The following SV2C variants were observed in gnomAD, a reference collection of about 807,000 sequenced individuals.
The protein encoded by SV2C is synaptic vesicle glycoprotein 2C.
A neutral mutation model predicts 79.7 loss-of-function variants in SV2C; 49 were observed. That is an observed-to-expected ratio of 0.61 (90% CI 0.49 to 0.78). SV2C has a LOEUF of 0.78. Ranked by LOEUF, SV2C falls within the 30% of genes least tolerant of loss-of-function variation. The probability of loss-of-function intolerance (pLI) is 0.00; values close to 1 mark genes in which losing one functional copy is unlikely to be tolerated. For missense variants in SV2C, 833 were observed against 912.9 expected (o/e 0.91, Z 1.13); for synonymous variants, 334 against 333.2 (o/e 1.00, Z -0.03).
the SV2C span, among the ~76,000 whole-genome samples, chr5:75,984,562 TATCTATA>T: frequency 1.8e-5 from 1 of 54,368 alleles, no homozygotes; most frequent in Non-Finnish European, 5.3e-5. Flanking sequence ...TCTATCTATC[TATCTATA>T]TCTATCTATC....
At chr5:76,059,301 T>C in the SV2C span, among the ~76,000 whole-genome samples, 1 of 152,042 alleles carries the variant, frequency 6.6e-6, no homozygotes, top group Admixed American at 6.6e-5. Flanking sequence ...TCACAAAGGA[T>C]TTCTCTGTAG....
the SV2C span, among the ~76,000 whole-genome samples, chr5:75,887,482 T>A: frequency 6.6e-6 from 1 of 152,052 alleles, no homozygotes; most frequent in African/African-American, 2.4e-5. Context: ...ACTTTAAAGA[T>A]GTTCTCGCAT....
intron 3 of SV2C, among the ~76,000 whole-genome samples, chr5:76,207,017 A>C (rs1744625961): frequency 6.6e-6 from 1 of 152,176 alleles, no homozygotes; most frequent in African/African-American, 2.4e-5. Flanking sequence ...CATCCAGAAA[A>C]AATAACCACG....
chr5:75,881,681 C>T, the SV2C span, among the ~76,000 whole-genome samples: 3 of 152,172 alleles, frequency 2.0e-5, no homozygotes, highest in Admixed American at 6.5e-5. Flanking sequence ...TGCTTATCAG[C>T]TTAAGGAGAT....
At chr5:76,000,421 G>T in the SV2C span, among the ~76,000 whole-genome samples, 8 of 152,084 alleles carry the variant, frequency 5.3e-5, no homozygotes, top group Non-Finnish European at 8.8e-5. Context: ...GACTCACTGT[G>T]AACCTGCATA....
chr5:76,002,659 C>G, the SV2C span, among the ~76,000 whole-genome samples: 1 of 152,038 alleles, frequency 6.6e-6, no homozygotes, highest in Admixed American at 6.6e-5. Context: ...AGGGTGAAGC[C>G]TCTTTGTGCA....
chr5:76,172,273 C>T (rs1284206408), intron 2 of SV2C, among the ~76,000 whole-genome samples: 8 of 99,732 alleles, frequency 8.0e-5, no homozygotes, highest in Non-Finnish European at 1.1e-4. Context: ...CCAGCCGCCC[C>T]GTCCGGGAGG....
chr5:75,898,030 T>G, the SV2C span, among the ~76,000 whole-genome samples: 1 of 152,044 alleles, frequency 6.6e-6, no homozygotes, highest in African/African-American at 2.4e-5. Context: ...ACAATTTGAC[T>G]TCCTCTTTTC....
At chr5:76,037,315 G>GGCGC in the SV2C span, among the ~76,000 whole-genome samples, 2 of 152,230 alleles carry the variant, frequency 1.3e-5, no homozygotes, top group Non-Finnish European at 2.9e-5. Context: ...GAGGAGGAGA[G>GGCGC]GCGCTCTGCT....
chr5:75,909,721 C>T, the SV2C span, among the ~76,000 whole-genome samples: 4 of 152,264 alleles, frequency 2.6e-5, no homozygotes, highest in East Asian at 7.7e-4. Flanking sequence ...CTCCTTTTTC[C>T]TGTAAGCTAC....
the SV2C span, among the ~76,000 whole-genome samples, chr5:76,002,664 T>C: frequency 6.6e-6 from 1 of 152,170 alleles, no homozygotes; most frequent in African/African-American, 2.4e-5. Flanking sequence ...GAAGCCTCTT[T>C]GTGCATTCCA....
At chr5:76,160,006 A>AT (rs1742852722) in intron 2 of SV2C, among the ~76,000 whole-genome samples, 1 of 152,042 alleles carries the variant, frequency 6.6e-6, no homozygotes, top group Admixed American at 6.5e-5. Flanking sequence ...CTTAGGAATA[A>AT]TTTTAATAAA....
intron 2 of SV2C, among the ~76,000 whole-genome samples, chr5:76,137,243 A>T (rs191297480): frequency 2.0e-5 from 3 of 152,368 alleles, no homozygotes; most frequent in Admixed American, 2.0e-4. Context: ...TAGAAGGGTG[A>T]ATATCAGTTA....
chr5:76,112,924 G>T lies in SV2C; in HGVS notation c.-101-18726G>T, dbSNP rs6860518. Among the ~76,000 whole-genome samples the T allele has an allele frequency of 8.0e-3, 1,220 of 152,284 alleles. 24 individuals are homozygous for T. The highest frequency in any genetic ancestry group is 0.028 in the African/African-American group (1,178 of 41,558). On this transcript the variant is annotated intron_variant, in intron 1 of 12. Coordinates refer to ENST00000502798, the MANE Select transcript of SV2C (RefSeq NM_014979.4). ...ATAAGACACAAAAAAGCTAAAGAAAGAAACTTAGAATTTTAAGTTTAGCAA... is the reference window on the plus strand; with the variant it reads ...ATAAGACACAAAAAAGCTAAAGAAATAAACTTAGAATTTTAAGTTTAGCAA...
At chr5:76,146,276 C>T (rs1749418425) in intron 2 of SV2C, among the ~76,000 whole-genome samples, 1 of 152,090 alleles carries the variant, frequency 6.6e-6, no homozygotes, top group Non-Finnish European at 1.5e-5. Flanking sequence ...AGGGTGACTC[C>T]ACGGTAAAAG....
At chr5:76,025,459 G>A in the SV2C span, among the ~76,000 whole-genome samples, 1 of 152,272 alleles carries the variant, frequency 6.6e-6, no homozygotes, top group Non-Finnish European at 1.5e-5. Flanking sequence ...CTTTTAAAAA[G>A]CTCTACCTAA....
intron 2 of SV2C, among the ~76,000 whole-genome samples, chr5:76,183,072 T>C (rs1743802074): frequency 7.1e-6 from 1 of 141,616 alleles, no homozygotes; most frequent in African/African-American, 2.7e-5. Flanking sequence ...GTCTCACTCT[T>C]GTTGCCCAGG....
the SV2C span, among the ~76,000 whole-genome samples, chr5:76,046,910 A>AT: frequency 1.3e-5 from 2 of 152,176 alleles, no homozygotes; most frequent in East Asian, 1.9e-4. Flanking sequence ...AATTGGGACT[A>AT]TTTTTTCAGG....
At chr5:75,879,500 T>C in the SV2C span, among the ~76,000 whole-genome samples, 1 of 152,184 alleles carries the variant, frequency 6.6e-6, no homozygotes, top group Non-Finnish European at 1.5e-5. Flanking sequence ...AGTCCTTAAG[T>C]CTTAAAGCTC....
Sources: gnomAD v4.1 joint callset for allele counts (sites outside exome capture counted in the v4.1 genomes callset) on GRCh38, gnomAD v4.1.1 for gene constraint, MANE v1.5 for transcripts, NCBI Gene and HGNC (gene_info 2026-07-23, HGNC 2026-07-21) for gene names.